FCRL2: variants seen among roughly 807,000 people sequenced by gnomAD.
The protein encoded by FCRL2 is Fc receptor-like protein 2.
FCRL2 carries 48 observed loss-of-function variants against 59.8 expected under a neutral mutation model. The observed-to-expected ratio is 0.80, with a 90% CI of 0.64 to 1.02. The LOEUF is 1.02. Among genes scored for constraint, FCRL2 ranks in the 50% least tolerant of loss-of-function variants. The pLI, the probability that FCRL2 is intolerant of heterozygous loss-of-function variation, is 0.00. For synonymous variants in FCRL2, 251 were observed against 229.5 expected (o/e 1.09, Z -0.85); for missense variants, 658 against 597.3 (o/e 1.10, Z -1.06).
In FCRL2 at chr1:157,767,423, G is replaced by C. The variant is rs1649590605; in HGVS notation, c.970C>G (p.Leu324Val). 3.1e-6 allele frequency: 5 copies of C among 1,614,090 alleles called. No homozygotes were observed. The African/African-American group carries it at 6.7e-5, about 22-fold the overall frequency. ...GDLLELHCEA[L>V]RGSPPILYQF... ...TACAAGATTGGGGGAGAGCCTCTCAGGGCCTCACAGTGAAGCTCCAGCAGG... is the reference window on the plus strand; with the variant it reads ...TACAAGATTGGGGGAGAGCCTCTCACGGCCTCACAGTGAAGCTCCAGCAGG... Residue 324 changes from leucine (L) to valine (V), a missense_variant, in exon 6 of 12, where the codon CTG (leucine) becomes GTG (valine). Physicochemically the swap from Leu to Val is conservative, Grantham distance 32 (BLOSUM62 1). Transcript: ENST00000361516.
chr1:157,770,674 A>T lies in FCRL2; in HGVS notation c.53-8T>A. On this transcript the variant is annotated splice_region_variant and splice_polypyrimidine_tract_variant and intron_variant, in intron 2 of 11. Transcript: ENST00000361516. ...CCACAAGGGTCAGCGAATCTGGAAG[A>T]GAAGGAGGGAAACCGGATTTGCCAT... 1 of 1,613,540 alleles carries T rather than the reference A, an allele frequency of 6.2e-7. No individual in the cohort carries two copies. Among genetic ancestry groups the T allele is most frequent in the Middle Eastern group, 1.6e-4 (1 of 6,062 alleles).
At chr1:157,749,583 A>G (rs1648025559) in intron 8 of FCRL2, 67 bp downstream of exon 8, 1 of 1,090,886 alleles carries the variant, frequency 9.2e-7, no homozygotes, top group Admixed American at 1.8e-5. Flanking sequence ...AGCAGAGTAC[A>G]GTAGGTATTT....
chr1:157,767,752 C>T (rs1272372404), intron 5 of FCRL2: 1 of 1,452,850 alleles, frequency 6.9e-7, no homozygotes, highest in East Asian at 2.3e-5. Context: ...TGATTGTTTT[C>T]CTGTGCCCAT....
At chr1:157,758,877 T>G (rs570405575) in intron 7 of FCRL2, among the ~76,000 whole-genome samples, 1 of 152,304 alleles carries the variant, frequency 6.6e-6, no homozygotes, top group East Asian at 1.9e-4. Flanking sequence ...GCTAACCATA[T>G]GCAGAATATT....
chr1:157,767,217 T>C lies in FCRL2; in HGVS notation c.1162+14A>G. On this transcript the variant is annotated intron_variant, in intron 6 of 11. Coordinates refer to ENST00000361516, the MANE Select transcript of FCRL2 (RefSeq NM_030764.4). ...ATTGACATCAAACTCTGTATCCAGG[T>C]AACACCCACCCACCTGAGATGGAGA... 5 of 1,604,590 alleles carry C rather than the reference T, an allele frequency of 3.1e-6. No homozygotes were observed. The highest frequency in any genetic ancestry group is 4.3e-6 in the Non-Finnish European group (5 of 1,175,492).
chr1:157,747,980 C>A (rs146921589), intron 10 of FCRL2, among the ~76,000 whole-genome samples: 5 of 152,172 alleles, frequency 3.3e-5, no homozygotes, highest in African/African-American at 1.2e-4. Flanking sequence ...CCCTGACTAT[C>A]TAACCCGATT....
rs766243243 is a variant in FCRL2 at position 157,775,844 on chromosome 1, T to TTTATA, written c.32-50_32-49insTATAA. 21 of 1,599,636 alleles carry TTTATA rather than the reference T, an allele frequency of 1.3e-5. No homozygotes were observed. The Admixed American group carries it at 3.7e-4, about 28-fold the overall frequency. The stretch of plus-strand genomic sequence containing the variant: ...GATTAGCACACAGCATTTGCCCTCA[T>TTTATA]AATTTATAAATTTATATTACTCTGG... On this transcript the variant is annotated intron_variant, in intron 1 of 11. Transcript: ENST00000361516.
At chr1:157,748,154 C>T (rs1435791564) in intron 10 of FCRL2, among the ~76,000 whole-genome samples, 3 of 152,086 alleles carry the variant, frequency 2.0e-5, no homozygotes, top group Admixed American at 6.5e-5. Context: ...TGCAGTGGCT[C>T]ACACCTGTAA....
chr1:157,774,622 T>C (rs957064769), intron 2 of FCRL2, among the ~76,000 whole-genome samples: 2 of 152,170 alleles, frequency 1.3e-5, no homozygotes, highest in Non-Finnish European at 2.9e-5. Flanking sequence ...CCACTAATGG[T>C]CAGAAACCTC....
intron 10 of FCRL2, among the ~76,000 whole-genome samples, chr1:157,747,516 A>G (rs1242775961): frequency 6.6e-6 from 1 of 152,118 alleles, no homozygotes; most frequent in Non-Finnish European, 1.5e-5. Context: ...TCAACTCCCT[A>G]TAGGAAGTTG....
At chr1:157,773,471 C>T (rs1021460501) in intron 2 of FCRL2, among the ~76,000 whole-genome samples, 4 of 152,042 alleles carry the variant, frequency 2.6e-5, no homozygotes, top group South Asian at 2.1e-4. Context: ...GGGGTGGACT[C>T]GGGAATACTG....
At chr1:157,762,795 A>G (rs548917757) in intron 7 of FCRL2, among the ~76,000 whole-genome samples, 1 of 152,356 alleles carries the variant, frequency 6.6e-6, no homozygotes, top group East Asian at 1.9e-4. Flanking sequence ...AAATATTCAA[A>G]GTGCTAAAAT....
chr1:157,748,500 C>A, intron 10 of FCRL2, 53 bp downstream of exon 10: 1 of 1,132,170 alleles, frequency 8.8e-7, no homozygotes, highest in South Asian at 1.3e-5. Flanking sequence ...GCAAACAATG[C>A]ATCACTTTCC....
intron 7 of FCRL2, among the ~76,000 whole-genome samples, chr1:157,752,775 T>C (rs933305395): frequency 9.2e-5 from 14 of 152,112 alleles, no homozygotes; most frequent in African/African-American, 3.4e-4. Flanking sequence ...ACTCAAAATT[T>C]ACCAAAAGTA....
At chr1:157,748,190 G>A (rs1226301160) in intron 10 of FCRL2, among the ~76,000 whole-genome samples, 2 of 152,014 alleles carry the variant, frequency 1.3e-5, no homozygotes, top group Admixed American at 6.6e-5. Flanking sequence ...AGGCTGAGGC[G>A]GGTGGATCAC....
At chr1:157,750,492 C>T (rs1232591758) in intron 7 of FCRL2, among the ~76,000 whole-genome samples, 2 of 152,212 alleles carry the variant, frequency 1.3e-5, no homozygotes, top group African/African-American at 4.8e-5. Flanking sequence ...CCCAGTTGTG[C>T]TTCCCATCAG....
At position 157,768,509 on chromosome 1, in the gene FCRL2, G is replaced by T. The variant is rs771022434; in HGVS notation, c.788C>A (p.Pro263Gln). The change falls in exon 5 of 12, where the codon CCA becomes CAA. Residue 263 changes from proline (P) to glutamine (Q), a missense_variant. Coordinates refer to ENST00000361516, the MANE Select transcript of FCRL2 (RefSeq NM_030764.4). The stretch of plus-strand genomic sequence containing the variant: ...GCCGGCATCACTCTCTTTCACAGCT[G>T]GGATCTCCAGCTCTGCTGACAGGGA... The part of the protein sequence containing the change: ...QRSLSAELEI[P>Q]AVKESDAGKY... 1 of 1,614,142 alleles carries T rather than the reference G, an allele frequency of 6.2e-7. No homozygotes were observed. Among genetic ancestry groups the T allele is most frequent in the Admixed American group, 1.7e-5 (1 of 60,014 alleles).
chr1:157,777,074 G>A lies in FCRL2; in HGVS notation c.-1C>T. Reference sequence around the variant, plus strand: ...TGACCAGCAATGACCACAGCAGCATGAGGACCTAATCCAGCTATTTGAAAA... The same window carrying A: ...TGACCAGCAATGACCACAGCAGCATAAGGACCTAATCCAGCTATTTGAAAA... On this transcript the variant is annotated 5_prime_UTR_variant, in exon 1 of 12. Coordinates refer to ENST00000361516, the MANE Select transcript of FCRL2 (RefSeq NM_030764.4). The A allele has an allele frequency of 2.5e-6, 4 of 1,614,188 alleles. No individual in the cohort carries two copies. The highest frequency in any genetic ancestry group is 1.7e-6 in the Non-Finnish European group (2 of 1,180,022).
rs143068046 is a variant in FCRL2 at position 157,751,743 on chromosome 1, A to C, written c.1280-2066T>G. Among the ~76,000 whole-genome samples, 1,227 of 152,342 alleles carry C rather than the reference A, an allele frequency of 8.1e-3. 13 individuals are homozygous for C. The highest frequency in any genetic ancestry group is 0.011 in the Non-Finnish European group (774 of 68,028). ...TGGAGGGGAAGAGGAAGAAGACTTT[A>C]GATTCTTGGAAACTGAAGAGAGATG... On this transcript the variant is annotated intron_variant, in intron 7 of 11. Transcript: ENST00000361516.
Sources: gnomAD v4.1 joint callset for allele counts (sites outside exome capture counted in the v4.1 genomes callset) on GRCh38, gnomAD v4.1.1 for gene constraint, MANE v1.5 for transcripts, NCBI Gene and HGNC (gene_info 2026-07-23, HGNC 2026-07-21) for gene names.